Variants in SBSPON observed in about 807,000 individuals in gnomAD.
SBSPON encodes the protein somatomedin B and thrombospondin type 1 domain containing.
In SBSPON, 30 loss-of-function variants were observed where a neutral mutation model predicts 35.8. The observed-to-expected ratio is 0.84, with a 90% CI of 0.63 to 1.14. The LOEUF is 1.14. Among genes scored for constraint, SBSPON ranks in the 50% most tolerant of loss-of-function variants. SBSPON has a pLI of 0.00. For missense variants in SBSPON, 364 were observed against 357.7 expected, an observed-to-expected ratio of 1.02 and a Z score of -0.14; for synonymous variants, 136 against 135.9, an observed-to-expected ratio of 1.00 and a Z score of 0.00.
chr8:73,078,871 C>T (rs1162242613), intron 2 of SBSPON, among the ~76,000 whole-genome samples: 1 of 152,052 alleles, frequency 6.6e-6, no homozygotes. Flanking sequence ...CAGTGATCTT[C>T]TCCCCGGCAA....
intron 1 of SBSPON, chr8:73,085,804 G>A (rs1810813079): frequency 6.6e-6 from 1 of 152,222 alleles, no homozygotes; most frequent in East Asian, 1.9e-4. Flanking sequence ...AGAGAGTTTG[G>A]ACTATTTTTC....
intron 1 of SBSPON, among the ~76,000 whole-genome samples, chr8:73,087,996 G>A (rs987035110): frequency 6.6e-6 from 1 of 152,196 alleles, no homozygotes; most frequent in African/African-American, 2.4e-5. Flanking sequence ...GTAAGGCACA[G>A]CCAGTGGAGA....
chr8:73,065,085 AAATT>A lies in SBSPON; in HGVS notation c.*2252_*2255del, dbSNP rs1174657501. On this transcript the variant is annotated 3_prime_UTR_variant, in exon 5 of 5. Coordinates refer to ENST00000297354, the MANE Select transcript of SBSPON (RefSeq NM_153225.4). ...GAACTATTTCCCTTGGGCTTTGCTAAAATTAATAACAAGCTTTTCAAAACTGTTA... is the reference window on the plus strand; with the variant it reads ...GAACTATTTCCCTTGGGCTTTGCTAAAATAACAAGCTTTTCAAAACTGTTA... 6.6e-6 allele frequency: 1 copy of A among 152,220 alleles called. No homozygotes were observed. The highest frequency in any genetic ancestry group is 2.4e-5 in the African/African-American group (1 of 41,450). 9.4% of individuals were successfully genotyped at this position (152,220 alleles called of 1,614,324 possible). A position where few individuals can be genotyped will look rare whatever the true frequency, so the allele number is the denominator to read the frequency against.
At position 73,071,804 on chromosome 8, in the gene SBSPON, C is replaced by T; in HGVS notation, c.476G>A (p.Trp159Ter). 1 of 1,608,190 alleles carries T rather than the reference C, an allele frequency of 6.2e-7. No individual in the cohort carries two copies. The highest frequency in any genetic ancestry group is 8.5e-7 in the Non-Finnish European group (1 of 1,175,462). ...ERTRQATSPH[W>*]STHTEDAGYC... is the part of the protein sequence containing the mutation. ...CCCAGCATCCTCTGTGTGTGTAGAC[C>T]AGTGTGGAGACGTAGCTTGTCGTGT... The change falls in exon 3 of 5, where the codon TGG (tryptophan) becomes TAG (stop). Residue 159 changes from tryptophan to a stop codon, truncating the protein, a stop_gained. Transcript: ENST00000297354. LOFTEE classifies it high-confidence loss of function.
chr8:73,069,740 A>T, intron 4 of SBSPON, 65 bp downstream of exon 4: 1 of 1,342,660 alleles, frequency 7.4e-7, no homozygotes, highest in East Asian at 2.3e-5. Flanking sequence ...CTGTCTGGAC[A>T]TGGAGAGGAC....
intron 4 of SBSPON, among the ~76,000 whole-genome samples, chr8:73,067,861 A>T (rs937048683): frequency 2.0e-5 from 3 of 149,932 alleles, no homozygotes; most frequent in African/African-American, 7.4e-5. Context: ...TTTTTTTTTA[A>T]TGATCACAAA....
In SBSPON at chr8:73,072,752, T is replaced by C. The variant is rs575297493; in HGVS notation, c.410-882A>G. Among the ~76,000 whole-genome samples, 7 of 152,252 alleles carry C rather than the reference T, an allele frequency of 4.6e-5. No individual in the cohort carries two copies. The East Asian group carries it at 1.4e-3, about 29-fold the overall frequency. ...AGGTAACCACAGCAGGAAAAGTTCA[T>C]GGAAGCTCTGCCCACCACATAGTAT... On this transcript the variant is annotated intron_variant, in intron 2 of 4. Coordinates refer to ENST00000297354, the MANE Select transcript of SBSPON (RefSeq NM_153225.4).
intron 2 of SBSPON, 45 bp from the exon 3 acceptor site, chr8:73,071,915 C>G (rs763553227): frequency 7.8e-7 from 1 of 1,280,560 alleles, no homozygotes; most frequent in Non-Finnish European, 1.1e-6. Flanking sequence ...CCAAAGTACT[C>G]AGACCATCGT....
At chr8:73,084,782 A>ACAC (rs925320286) in intron 1 of SBSPON, among the ~76,000 whole-genome samples, 1 of 150,968 alleles carries the variant, frequency 6.6e-6, no homozygotes, top group African/African-American at 2.5e-5. Flanking sequence ...ACACACACAC[A>ACAC]CACACACACA....
At chr8:73,072,529 C>T (rs373601271) in intron 2 of SBSPON, among the ~76,000 whole-genome samples, 9 of 152,124 alleles carry the variant, frequency 5.9e-5, no homozygotes, top group Non-Finnish European at 5.9e-5. Flanking sequence ...ATTAGCCGGG[C>T]GTGGTGGCAA....
chr8:73,077,299 CTGAACCAA>C (rs1230284824), intron 2 of SBSPON, among the ~76,000 whole-genome samples: 1 of 152,240 alleles, frequency 6.6e-6, no homozygotes, highest in Non-Finnish European at 1.5e-5. Flanking sequence ...GCTATGAAGG[CTGAACCAA>C]TGATGCCTGT....
At chr8:73,080,207 C>T (rs550165525) in intron 2 of SBSPON, among the ~76,000 whole-genome samples, 6 of 152,108 alleles carry the variant, frequency 3.9e-5, no homozygotes, top group East Asian at 1.9e-4. Flanking sequence ...GCAGGTAAAA[C>T]GAATCATTAA....
chr8:73,090,370 G>T (rs1810907413), intron 1 of SBSPON, among the ~76,000 whole-genome samples: 1 of 152,246 alleles, frequency 6.6e-6, no homozygotes, highest in African/African-American at 2.4e-5. Flanking sequence ...CTTAGAATCT[G>T]TGAGAGGGAA....
intron 1 of SBSPON, among the ~76,000 whole-genome samples, chr8:73,090,144 C>T (rs1810904101): frequency 6.6e-6 from 1 of 152,196 alleles, no homozygotes; most frequent in Non-Finnish European, 1.5e-5. Flanking sequence ...TCCCACTGTG[C>T]TGGGATTATA....
chr8:73,086,184 G>A (rs999938386), intron 1 of SBSPON, among the ~76,000 whole-genome samples: 9 of 150,228 alleles, frequency 6.0e-5, no homozygotes, highest in South Asian at 2.1e-4. Flanking sequence ...TTTTGGAGAC[G>A]GAGTCTTGCT....
At chr8:73,082,294 CA>C (rs1251780150) in intron 1 of SBSPON, among the ~76,000 whole-genome samples, 1 of 152,210 alleles carries the variant, frequency 6.6e-6, no homozygotes, top group Non-Finnish European at 1.5e-5. Flanking sequence ...AGACAGAAGA[CA>C]TGCCCATGAC....
chr8:73,079,553 A>T (rs768564452), intron 2 of SBSPON, among the ~76,000 whole-genome samples: 44 of 146,812 alleles, frequency 3.0e-4, no homozygotes, highest in Non-Finnish European at 5.2e-4. Flanking sequence ...AGCTCTACAG[A>T]CCTCAGCCCC....
intron 2 of SBSPON, 98 bp downstream of exon 2, chr8:73,080,921 A>C (rs936120636): frequency 1.8e-6 from 2 of 1,091,998 alleles, no homozygotes; most frequent in Non-Finnish European, 1.3e-6. Flanking sequence ...CCTGTGGTGC[A>C]TGGAACCTTC....
intron 4 of SBSPON, among the ~76,000 whole-genome samples, chr8:73,068,550 A>G (rs768099804): frequency 1.3e-5 from 2 of 152,228 alleles, no homozygotes; most frequent in Admixed American, 6.5e-5. Flanking sequence ...TTAGTTTTGT[A>G]TAGTGTTATC....
Sources: gnomAD v4.1 joint callset for allele counts (sites outside exome capture counted in the v4.1 genomes callset) on GRCh38, gnomAD v4.1.1 for gene constraint, MANE v1.5 for transcripts, NCBI Gene and HGNC (gene_info 2026-07-23, HGNC 2026-07-21) for gene names.